COPG2: variants seen among roughly 807,000 people sequenced by gnomAD.
The protein encoded by COPG2 is coat protein complex I subunit gamma 2.
A neutral mutation model predicts 46.3 loss-of-function variants in COPG2; 37 were observed. The ratio of observed to expected loss-of-function variants is 0.80; its 90% CI spans 0.61 to 1.05. The LOEUF is 1.05. Among genes scored for constraint, COPG2 ranks in the 50% least tolerant of loss-of-function variants. The probability of loss-of-function intolerance (pLI) is 0.00; values close to 1 mark genes in which losing one functional copy is unlikely to be tolerated. For missense variants in COPG2, 427 were observed against 387.8 expected, an observed-to-expected ratio of 1.10 and a Z score of -0.85; for synonymous variants, 159 against 129.7, an observed-to-expected ratio of 1.23 and a Z score of -1.53.
chr7:130,609,706 C>A (rs1370722992), intron 9 of COPG2, among the ~76,000 whole-genome samples: 1 of 152,110 alleles, frequency 6.6e-6, no homozygotes, highest in African/African-American at 2.4e-5. Context: ...TTATTTTTCT[C>A]CCTATGCTTC....
At chr7:130,583,647 T>C (rs1199927129) in intron 9 of COPG2, among the ~76,000 whole-genome samples, 3 of 147,636 alleles carry the variant, frequency 2.0e-5, no homozygotes, top group African/African-American at 7.5e-5. Context: ...TCTACTAAAA[T>C]ACAAAAAATT....
At chr7:130,627,393 T>C (rs1344609934) in intron 5 of COPG2, among the ~76,000 whole-genome samples, 3 of 152,020 alleles carry the variant, frequency 2.0e-5, no homozygotes, top group South Asian at 2.1e-4. Flanking sequence ...AATAGAAAAA[T>C]GCAAGTTAGC....
chr7:130,665,480 A>G (rs1796058507), intron 3 of COPG2, among the ~76,000 whole-genome samples: 1 of 149,990 alleles, frequency 6.7e-6, no homozygotes, highest in East Asian at 1.9e-4. Context: ...ATATTCAAGG[A>G]AAAAAAAAAC....
chr7:130,510,781 G>A (rs182267202), intron 20 of COPG2, among the ~76,000 whole-genome samples: 16 of 152,280 alleles, frequency 1.1e-4, no homozygotes, highest in Admixed American at 6.5e-4. Context: ...AGGGATCTAA[G>A]GAAGTCTAGG....
At chr7:130,520,128 G>T (rs951902053) in intron 20 of COPG2, among the ~76,000 whole-genome samples, 2 of 152,188 alleles carry the variant, frequency 1.3e-5, no homozygotes, top group African/African-American at 2.4e-5. Flanking sequence ...AACATCCAGA[G>T]AATAATTCAG....
chr7:130,637,010 G>T (rs575955173), intron 5 of COPG2, among the ~76,000 whole-genome samples: 1 of 152,194 alleles, frequency 6.6e-6, no homozygotes, highest in South Asian at 2.1e-4. Context: ...ATAAAATTCC[G>T]GGCTGAAAAT....
intron 20 of COPG2, among the ~76,000 whole-genome samples, chr7:130,541,173 G>A (rs946890625): frequency 1 from 152,270 of 152,270 alleles, 76,135 homozygotes; most frequent in Non-Finnish European, 1. Context: ...ACAGCGAGCA[G>A]ATGGATGTAG....
intron 9 of COPG2, among the ~76,000 whole-genome samples, chr7:130,571,707 G>A (rs1197660837): frequency 6.6e-6 from 1 of 152,094 alleles, no homozygotes; most frequent in African/African-American, 2.4e-5. Flanking sequence ...TCTACCCAGA[G>A]GAAAAGAAGT....
rs1264334620 is a variant in COPG2 at position 130,667,497 on chromosome 7, A to C, written c.75T>G (p.Ser25Arg). Residue 25 changes from serine to arginine, a missense_variant, in exon 2 of 24, where the codon AGT (serine) becomes AGG (arginine). Coordinates refer to ENST00000425248, the MANE Select transcript of COPG2 (RefSeq NM_012133.6). ...GSNPFQHLEKSAVLQEARIFN... is the reference protein window; with the variant it reads ...GSNPFQHLEKRAVLQEARIFN... ...CCAGTCATACCTCCTGTAAAACAGC[A>C]CTCTTCTCCAGATGCTGGAAAGGAT... 3 of 1,613,358 alleles carry C rather than the reference A, an allele frequency of 1.9e-6. No homozygotes were observed. The highest frequency in any genetic ancestry group is 2.7e-5 in the African/African-American group (2 of 74,888).
At chr7:130,642,426 T>C (rs1294880805) in intron 5 of COPG2, among the ~76,000 whole-genome samples, 1 of 152,184 alleles carries the variant, frequency 6.6e-6, no homozygotes, top group Non-Finnish European at 1.5e-5. Flanking sequence ...TCTAACCCAG[T>C]AGACTTCTGA....
At chr7:130,623,604 T>A (rs1379155967) in intron 5 of COPG2, among the ~76,000 whole-genome samples, 1 of 152,204 alleles carries the variant, frequency 6.6e-6, no homozygotes, top group Non-Finnish European at 1.5e-5. Flanking sequence ...GCCTAACTCC[T>A]GTTGGTATTT....
At position 130,601,432 on chromosome 7, in the gene COPG2, G is replaced by T. The variant is rs561685805; in HGVS notation, c.737+9521C>A. ...CCAACCCAAATGCCCATCAATGATAGACTGGGTAAAGATAATGTGGCACAT... is the reference window on the plus strand; with the variant it reads ...CCAACCCAAATGCCCATCAATGATATACTGGGTAAAGATAATGTGGCACAT... On this transcript the variant is annotated intron_variant, in intron 9 of 23. Transcript: ENST00000425248. Among the ~76,000 whole-genome samples, 9 of 152,324 alleles carry T rather than the reference G, an allele frequency of 5.9e-5. No individual in the cohort carries two copies. In the South Asian group the frequency reaches 1.0e-3, roughly 18 times the overall value.
At chr7:130,543,852 G>C (rs1793383211) in intron 20 of COPG2, among the ~76,000 whole-genome samples, 1 of 152,130 alleles carries the variant, frequency 6.6e-6, no homozygotes, top group Non-Finnish European at 1.5e-5. Context: ...GGGTAGAAAA[G>C]GGGTATCAAA....
intron 5 of COPG2, among the ~76,000 whole-genome samples, chr7:130,640,085 A>C (rs1795434342): frequency 6.6e-6 from 1 of 152,074 alleles, no homozygotes; most frequent in African/African-American, 2.4e-5. Context: ...ACGGGAAAGA[A>C]AACAAGAAAA....
intron 9 of COPG2, among the ~76,000 whole-genome samples, chr7:130,603,496 G>C (rs1295609232): frequency 6.6e-6 from 1 of 152,044 alleles, no homozygotes; most frequent in Non-Finnish European, 1.5e-5. Flanking sequence ...GAGGCAGGTG[G>C]ATCACCTGAG....
At chr7:130,667,774 C>A (rs1554461690) in intron 1 of COPG2, among the ~76,000 whole-genome samples, 1 of 152,190 alleles carries the variant, frequency 6.6e-6, no homozygotes, top group African/African-American at 2.4e-5. Flanking sequence ...TGTCTTCTTT[C>A]CCTGCCCTCT....
intron 12 of COPG2, among the ~76,000 whole-genome samples, chr7:130,560,458 G>C (rs1203227152): frequency 6.6e-6 from 1 of 152,038 alleles, no homozygotes; most frequent in Non-Finnish European, 1.5e-5. Context: ...AATCCTAGCA[G>C]GCTTGTTTAG....
chr7:130,575,395 T>C (rs1430786185), intron 9 of COPG2, among the ~76,000 whole-genome samples: 1 of 152,156 alleles, frequency 6.6e-6, no homozygotes, highest in Non-Finnish European at 1.5e-5. Flanking sequence ...TTGGGTCCTA[T>C]CTTCAGTCTC....
In COPG2 at chr7:130,617,508, G is replaced by C. The variant is rs142501428; in HGVS notation, c.324-443C>G. On this transcript the variant is annotated intron_variant, in intron 5 of 23. Coordinates refer to ENST00000425248, the MANE Select transcript of COPG2 (RefSeq NM_012133.6). ...TTAACAAAAATAATTAACTCAAGAG[G>C]TATCTCTCTTTGGCATGGCTTTCTA... Among the ~76,000 whole-genome samples, 11 of 152,266 alleles carry C rather than the reference G, an allele frequency of 7.2e-5. No homozygotes were observed. The East Asian group carries it at 2.1e-3, about 29-fold the overall frequency.
Sources: allele counts gnomAD v4.1 joint callset (sites outside exome capture counted in the v4.1 genomes callset), GRCh38; gene constraint gnomAD v4.1.1; transcripts MANE v1.5; gene names NCBI Gene and HGNC (gene_info 2026-07-23, HGNC 2026-07-21).